TSHZ2: variants seen among roughly 807,000 people sequenced by gnomAD.
The protein encoded by TSHZ2 is teashirt homolog 2.
TSHZ2 carries 21 observed loss-of-function variants against 74.4 expected under a neutral mutation model. The ratio of observed to expected loss-of-function variants is 0.28; its 90% CI spans 0.20 to 0.41. TSHZ2 has a LOEUF of 0.41. Among genes scored for constraint, TSHZ2 ranks in the 10% least tolerant of loss-of-function variants. TSHZ2 has a pLI of 1.00. For synonymous variants in TSHZ2, 540 were observed against 515.3 expected (o/e 1.05, Z -0.65); for missense variants, 1,244 against 1,293.5 (o/e 0.96, Z 0.59).
intron 1 of TSHZ2, among the ~76,000 whole-genome samples, chr20:53,211,962 G>A (rs1310968094): frequency 2.0e-5 from 3 of 152,132 alleles, no homozygotes; most frequent in Admixed American, 6.5e-5. Flanking sequence ...TATAGGAGGG[G>A]TCCATGAAGA....
At chr20:53,234,804 G>A (rs1029830499) in intron 1 of TSHZ2, among the ~76,000 whole-genome samples, 1 of 152,130 alleles carries the variant, frequency 6.6e-6, no homozygotes, top group South Asian at 2.1e-4. Flanking sequence ...CAAGTGGAGA[G>A]CTAACATACA....
At chr20:53,451,360 C>A (rs900743769) in intron 2 of TSHZ2, among the ~76,000 whole-genome samples, 3 of 152,172 alleles carry the variant, frequency 2.0e-5, no homozygotes, top group African/African-American at 4.8e-5. Context: ...ATTGGAGACA[C>A]AATATGCTGG....
intron 1 of TSHZ2, among the ~76,000 whole-genome samples, chr20:53,040,038 G>T (rs930916749): frequency 6.6e-6 from 1 of 152,042 alleles, no homozygotes; most frequent in Non-Finnish European, 1.5e-5. Context: ...CCCAGGAGGC[G>T]GAGGCTGCAG....
intron 1 of TSHZ2, among the ~76,000 whole-genome samples, chr20:53,111,932 C>T (rs568450394): frequency 6.6e-6 from 1 of 152,282 alleles, no homozygotes; most frequent in Admixed American, 6.5e-5. Context: ...AGAGGCCCCA[C>T]CTACCATGCC....
At chr20:53,103,011 A>G (rs1175700446) in intron 1 of TSHZ2, among the ~76,000 whole-genome samples, 1 of 152,230 alleles carries the variant, frequency 6.6e-6, no homozygotes, top group African/African-American at 2.4e-5. Context: ...TGCATGTAGC[A>G]AGGGAAGTAA....
At chr20:53,380,943 G>T (rs1006167229) in intron 2 of TSHZ2, among the ~76,000 whole-genome samples, 3 of 152,154 alleles carry the variant, frequency 2.0e-5, no homozygotes, top group Non-Finnish European at 4.4e-5. Flanking sequence ...CTATAGTAAT[G>T]ACTATGCTGG....
intron 2 of TSHZ2, among the ~76,000 whole-genome samples, chr20:53,385,683 C>T (rs775979353): frequency 6.6e-5 from 10 of 152,192 alleles, no homozygotes; most frequent in Non-Finnish European, 1.0e-4. Context: ...AGCTCTACCC[C>T]GTTAGGCAGT....
intron 2 of TSHZ2, among the ~76,000 whole-genome samples, chr20:53,439,758 C>T (rs1984240965): frequency 6.6e-6 from 1 of 152,154 alleles, no homozygotes; most frequent in African/African-American, 2.4e-5. Flanking sequence ...TTTCCACCCC[C>T]CTTGTTTTCA....
chr20:52,978,428 T>C (rs896127807), intron 1 of TSHZ2, among the ~76,000 whole-genome samples: 14 of 152,220 alleles, frequency 9.2e-5, no homozygotes, highest in African/African-American at 2.9e-4. Flanking sequence ...ATTTATACTA[T>C]CAATTTTATT....
At chr20:53,175,095 G>A (rs1025457920) in intron 1 of TSHZ2, among the ~76,000 whole-genome samples, 8 of 147,704 alleles carry the variant, frequency 5.4e-5, no homozygotes, top group Non-Finnish European at 1.0e-4. Context: ...TAGCTCCCTG[G>A]GCTTTTTCTT....
intron 1 of TSHZ2, among the ~76,000 whole-genome samples, chr20:53,223,909 AC>A (rs1600751394): frequency 7.4e-6 from 1 of 134,236 alleles, no homozygotes; most frequent in East Asian, 1.9e-4. Flanking sequence ...ACACACACAC[AC>A]ACACACACAC....
At chr20:53,264,797 T>TCAC (rs1265385385) in intron 2 of TSHZ2, among the ~76,000 whole-genome samples, 4 of 152,180 alleles carry the variant, frequency 2.6e-5, no homozygotes, top group African/African-American at 9.7e-5. Flanking sequence ...GCACTCACTG[T>TCAC]AGGTTAGGAG....
At chr20:53,286,446 C>A (rs1443600189) in intron 2 of TSHZ2, among the ~76,000 whole-genome samples, 1 of 152,120 alleles carries the variant, frequency 6.6e-6, no homozygotes, top group Non-Finnish European at 1.5e-5. Context: ...GGCATTTTCC[C>A]TAGTAAGGGT....
intron 1 of TSHZ2, among the ~76,000 whole-genome samples, chr20:53,243,791 G>A (rs1275172928): frequency 6.6e-6 from 1 of 151,560 alleles, no homozygotes; most frequent in Non-Finnish European, 1.5e-5. Context: ...GCTTTTCTGA[G>A]AGAACAGTGG....
At chr20:53,305,550 G>T (rs1313339341) in intron 2 of TSHZ2, among the ~76,000 whole-genome samples, 1 of 152,084 alleles carries the variant, frequency 6.6e-6, no homozygotes, top group Non-Finnish European at 1.5e-5. Context: ...ACAATCACAG[G>T]GTCTCTTCAT....
At chr20:53,301,217 C>T (rs745308399) in intron 2 of TSHZ2, among the ~76,000 whole-genome samples, 4 of 152,182 alleles carry the variant, frequency 2.6e-5, no homozygotes, top group Non-Finnish European at 1.5e-5. Context: ...CTCAGCCTCC[C>T]AAAGTGCTGG....
intron 2 of TSHZ2, among the ~76,000 whole-genome samples, chr20:53,297,527 A>G (rs1461819338): frequency 2.0e-5 from 3 of 152,200 alleles, no homozygotes; most frequent in Non-Finnish European, 4.4e-5. Flanking sequence ...AAATGCTGCG[A>G]TTATAGGCAT....
At chr20:53,384,515 T>A (rs2145645552) in intron 2 of TSHZ2, among the ~76,000 whole-genome samples, 1 of 152,356 alleles carries the variant, frequency 6.6e-6, no homozygotes, top group South Asian at 2.1e-4. Context: ...CTGTGACTCA[T>A]GCATTGGGTT....
chr20:53,142,708 G>C (rs138198844), intron 1 of TSHZ2, among the ~76,000 whole-genome samples: 38 of 152,134 alleles, frequency 2.5e-4, no homozygotes, highest in Non-Finnish European at 3.1e-4. Flanking sequence ...CTGAGGGTGT[G>C]GCCTACTCAT....
Sources: allele counts gnomAD v4.1 joint callset (sites outside exome capture counted in the v4.1 genomes callset), GRCh38; gene constraint gnomAD v4.1.1; transcripts MANE v1.5; gene names NCBI Gene and HGNC (gene_info 2026-07-23, HGNC 2026-07-21).